Variants in SLCO3A1 observed in about 807,000 individuals in gnomAD.
SLCO3A1 encodes PGE1 transporter.
In SLCO3A1, 27 loss-of-function variants were observed where a neutral mutation model predicts 63.1. That is an observed-to-expected ratio of 0.43 (90% CI 0.32 to 0.59). The LOEUF (loss-of-function observed/expected upper bound fraction) is 0.59, where lower values mean the gene tolerates loss of function less well. Ranked by LOEUF, SLCO3A1 falls within the 20% of genes least tolerant of loss-of-function variation. The probability of loss-of-function intolerance (pLI) is 0.09; values close to 1 mark genes in which losing one functional copy is unlikely to be tolerated. For synonymous variants in SLCO3A1, 473 were observed against 409.9 expected (o/e 1.15, Z -1.86); for missense variants, 773 against 945.8 (o/e 0.82, Z 2.40).
chr15:92,076,640 C>T (rs375411655), intron 2 of SLCO3A1, among the ~76,000 whole-genome samples: 1 of 152,178 alleles, frequency 6.6e-6, no homozygotes, highest in Admixed American at 6.5e-5. Flanking sequence ...CTGGTGCTCA[C>T]GGGCCTCCTT....
chr15:91,943,166 C>G (rs1312021298), intron 2 of SLCO3A1, among the ~76,000 whole-genome samples: 1 of 152,166 alleles, frequency 6.6e-6, no homozygotes, highest in Non-Finnish European at 1.5e-5. Flanking sequence ...TAAGGACACT[C>G]CCAGTGTTGT....
intron 5 of SLCO3A1, among the ~76,000 whole-genome samples, chr15:92,122,168 G>T (rs1427362140): frequency 6.6e-6 from 1 of 152,120 alleles, no homozygotes; most frequent in African/African-American, 2.4e-5. Flanking sequence ...GAGGGAATGT[G>T]GTGGACAGCC....
intron 2 of SLCO3A1, among the ~76,000 whole-genome samples, chr15:92,071,237 A>T (rs1790941959): frequency 6.6e-6 from 1 of 152,158 alleles, no homozygotes; most frequent in Non-Finnish European, 1.5e-5. Context: ...TGCTGCATGC[A>T]TGCGAGGCCG....
chr15:92,076,584 C>A (rs1196400147), intron 2 of SLCO3A1, among the ~76,000 whole-genome samples: 1 of 152,186 alleles, frequency 6.6e-6, no homozygotes, highest in African/African-American at 2.4e-5. Context: ...CGCTAGCCCA[C>A]CCACTCTGCC....
chr15:91,955,754 A>G (rs911298149), intron 2 of SLCO3A1, among the ~76,000 whole-genome samples: 3 of 152,360 alleles, frequency 2.0e-5, no homozygotes, highest in Middle Eastern at 6.8e-3. Context: ...CTTCATGGCC[A>G]TCATGTCTTG....
intron 2 of SLCO3A1, among the ~76,000 whole-genome samples, chr15:91,973,809 G>T (rs1900979749): frequency 6.6e-6 from 1 of 152,198 alleles, no homozygotes; most frequent in African/African-American, 2.4e-5. Context: ...CCAAGCCTGA[G>T]AATACCTGAT....
intron 2 of SLCO3A1, among the ~76,000 whole-genome samples, chr15:92,016,060 C>T (rs766555330): frequency 1.1e-4 from 17 of 152,016 alleles, no homozygotes; most frequent in Non-Finnish European, 2.2e-4. Flanking sequence ...GAAATTTCTG[C>T]TAGACATTAT....
intron 2 of SLCO3A1, among the ~76,000 whole-genome samples, chr15:92,008,758 G>A (rs2046339031): frequency 6.6e-6 from 1 of 152,150 alleles, no homozygotes. Context: ...ATTACGCCTA[G>A]AAAACAATAA....
rs1232978587 is a variant in SLCO3A1, at chr15:92,094,993, C to G, written c.745+14C>G. ...TCATTGACACAAGTAAGGAATATAT[C>G]TCCATGTCTACCTTCCATCCGCAAG... On this transcript the variant is annotated intron_variant, in intron 3 of 9. Coordinates refer to ENST00000318445, the MANE Select transcript of SLCO3A1 (RefSeq NM_013272.4). 10 of 1,526,810 alleles carry G rather than the reference C, an allele frequency of 6.5e-6. No individual in the cohort carries two copies. The highest frequency in any genetic ancestry group is 8.2e-6 in the Non-Finnish European group (9 of 1,100,194). 94.6% of individuals were successfully genotyped at this position (1,526,810 alleles called of 1,614,324 possible). A position where few individuals can be genotyped will look rare whatever the true frequency, so the allele number is the denominator to read the frequency against.
intron 7 of SLCO3A1, among the ~76,000 whole-genome samples, chr15:92,143,946 G>A (rs940651318): frequency 2.0e-5 from 3 of 152,172 alleles, no homozygotes; most frequent in African/African-American, 4.8e-5. Context: ...GGGGAGCCAC[G>A]TGGCCTGCAG....
chr15:91,903,677 C>T (rs1285383462), intron 1 of SLCO3A1, among the ~76,000 whole-genome samples: 6 of 152,256 alleles, frequency 3.9e-5, no homozygotes, highest in South Asian at 2.1e-4. Flanking sequence ...ATATGTCCTA[C>T]GCAGCTGTAT....
intron 2 of SLCO3A1, among the ~76,000 whole-genome samples, chr15:91,937,331 GGCGGGAGGCAGAA>G (rs1899449750): frequency 6.6e-6 from 1 of 152,196 alleles, no homozygotes; most frequent in African/African-American, 2.4e-5. Context: ...GGGAACAAGT[GGCGGGAGGCAGAA>G]GCTTTGACTG....
chr15:92,010,293 C>T (rs998037972), intron 2 of SLCO3A1, among the ~76,000 whole-genome samples: 2 of 152,106 alleles, frequency 1.3e-5, no homozygotes, highest in Admixed American at 6.5e-5. Flanking sequence ...AAAACAACAC[C>T]AATAAAATAT....
chr15:92,132,212 G>A (rs1388534591), intron 7 of SLCO3A1, among the ~76,000 whole-genome samples: 1 of 145,986 alleles, frequency 6.8e-6, no homozygotes, highest in East Asian at 1.9e-4. Flanking sequence ...ATCAAGACGT[G>A]AAAATTCCCC....
Position 92,133,166 on chromosome 15 carries a change from G to A in SLCO3A1, c.1512+4677G>A, listed in dbSNP as rs894751346. 1.3e-4 allele frequency among the ~76,000 whole-genome samples: 19 copies of A among 145,820 alleles called. 2 individuals carry two copies. Among genetic ancestry groups the A allele is most frequent in the South Asian group, 6.5e-4 (3 of 4,604 alleles). ...CCTGCCCTCCCCAGCCACAAGTTCCGACAACTGTAAATGTCTCCAGACATT... is the reference window on the plus strand; with the variant it reads ...CCTGCCCTCCCCAGCCACAAGTTCCAACAACTGTAAATGTCTCCAGACATT... On this transcript the variant is annotated intron_variant, in intron 7 of 9. Coordinates refer to ENST00000318445, the MANE Select transcript of SLCO3A1 (RefSeq NM_013272.4).
intron 7 of SLCO3A1, among the ~76,000 whole-genome samples, chr15:92,145,929 C>T (rs1404702541): frequency 6.7e-6 from 1 of 150,286 alleles, no homozygotes; most frequent in Admixed American, 6.6e-5. Flanking sequence ...ACCCCTGAAA[C>T]CATCCCATAT....
chr15:91,870,358 GCTA>G (rs1897256580), intron 1 of SLCO3A1, among the ~76,000 whole-genome samples: 1 of 152,170 alleles, frequency 6.6e-6, no homozygotes. Flanking sequence ...ACTATCTTTT[GCTA>G]CTAAATGTTG....
intron 2 of SLCO3A1, among the ~76,000 whole-genome samples, chr15:91,946,503 T>C (rs1045026941): frequency 4.6e-5 from 7 of 152,094 alleles, no homozygotes; most frequent in African/African-American, 1.4e-4. Flanking sequence ...TGTAGGGAAA[T>C]GGTTCAGTCA....
At chr15:92,004,447 A>G (rs367618172) in intron 2 of SLCO3A1, among the ~76,000 whole-genome samples, 3 of 152,366 alleles carry the variant, frequency 2.0e-5, no homozygotes, top group African/African-American at 7.2e-5. Flanking sequence ...GATGACAATG[A>G]TGATGACTAT....
Sources: gnomAD v4.1 joint callset for allele counts (sites outside exome capture counted in the v4.1 genomes callset) on GRCh38, gnomAD v4.1.1 for gene constraint, MANE v1.5 for transcripts, NCBI Gene and HGNC (gene_info 2026-07-23, HGNC 2026-07-21) for gene names.